PPFIA4: variants seen among roughly 807,000 people sequenced by gnomAD.
PPFIA4 encodes the protein liprin-alpha-4.
PPFIA4 carries 98 observed loss-of-function variants against 145.7 expected under a neutral mutation model. The observed-to-expected ratio is 0.67, with a 90% CI of 0.57 to 0.80. The LOEUF is 0.80. PPFIA4 is among the 30% of genes least tolerant of loss of function. The probability of loss-of-function intolerance (pLI) is 0.00; values close to 1 mark genes in which losing one functional copy is unlikely to be tolerated. For missense variants in PPFIA4, 1,457 were observed against 1,632.7 expected (o/e 0.89, Z 1.85); for synonymous variants, 628 against 649.6 (o/e 0.97, Z 0.51).
chr1:203,051,975 T>A, intron 14 of PPFIA4, 98 bp downstream of exon 14: 1 of 1,254,124 alleles, frequency 8.0e-7, no homozygotes, highest in Non-Finnish European at 1.1e-6. Flanking sequence ...GGCAAATCCT[T>A]CCCCTTCCCT....
rs771763830 is a variant in PPFIA4, at chr1:203,076,334, C to G, written c.3575-7C>G. ...CAGTGCGATGCCTGTCTCTCTCTCT[C>G]CCTCAGCTCACTCCCACTATCTCTA... On this transcript the variant is annotated splice_polypyrimidine_tract_variant and splice_region_variant and intron_variant, in intron 29 of 29. Coordinates refer to ENST00000295706, the MANE Select transcript of PPFIA4 (RefSeq NM_001304331.2). The G allele has an allele frequency of 1.2e-6, 2 of 1,604,292 alleles. No homozygotes were observed. Among genetic ancestry groups the G allele is most frequent in the African/African-American group, 1.3e-5 (1 of 74,938 alleles).
At chr1:203,072,681 T>G (rs1662254687) in intron 28 of PPFIA4, among the ~76,000 whole-genome samples, 1 of 152,172 alleles carries the variant, frequency 6.6e-6, no homozygotes, top group Non-Finnish European at 1.5e-5. Flanking sequence ...GTCCAATCAC[T>G]GTTTCTTAGT....
rs1418289992 is a variant in PPFIA4, at chr1:203,060,804, C to T, written c.2785-166C>T. On this transcript the variant is annotated intron_variant, in intron 22 of 29. Coordinates refer to ENST00000295706, the MANE Select transcript of PPFIA4 (RefSeq NM_001304331.2). The surrounding 1 kb of genome is among the most constrained non-coding windows in gnomAD (Gnocchi z 4.8). ...ACAAGAATGCGGACTGCTCTGTGGG[C>T]CCCTGGGGTGGAGTCTTTCATTGTC... is the stretch of plus-strand genomic sequence containing the variant. Among the ~76,000 whole-genome samples, 1 of 152,206 alleles carries T rather than the reference C, an allele frequency of 6.6e-6. No individual in the cohort carries two copies. Among genetic ancestry groups the T allele is most frequent in the Non-Finnish European group, 1.5e-5 (1 of 68,030 alleles).
rs1662459216 is a variant in PPFIA4 at position 203,075,473 on chromosome 1, G to T, written c.3394-104G>T. The stretch of plus-strand genomic sequence containing the variant: ...TCGCTCCCTCTTTCCAAAGGGGTGG[G>T]AGTGGTGCCCCTTGAACCAGCAGCG... On this transcript the variant is annotated intron_variant, in intron 28 of 29. Coordinates refer to ENST00000295706, the MANE Select transcript of PPFIA4 (RefSeq NM_001304331.2). The surrounding 1 kb of genome is among the most constrained non-coding windows in gnomAD (Gnocchi z 4.1). The T allele has an allele frequency of 1.1e-6, 1 of 940,574 alleles. No individual in the cohort carries two copies. Among genetic ancestry groups the T allele is most frequent in the East Asian group, 3.3e-5 (1 of 30,738 alleles). The allele number at this position is 940,574 out of a possible 1,614,324, so 58.3% of individuals were successfully genotyped here.
chr1:203,044,471 C>A lies in PPFIA4; in HGVS notation c.576+18C>A. 6.5e-7 allele frequency: 1 copy of A among 1,547,626 alleles called. No homozygotes were observed. Among genetic ancestry groups the A allele is most frequent in the Non-Finnish European group, 8.7e-7 (1 of 1,144,384 alleles). ...ACCAGCAGGTAATCTGCCTGCTCAC[C>A]CTCAGTCTGCAGCTCCTGGAAGTCC... On this transcript the variant is annotated intron_variant, in intron 5 of 29. Coordinates refer to ENST00000295706, the MANE Select transcript of PPFIA4 (RefSeq NM_001304331.2).
intron 14 of PPFIA4, among the ~76,000 whole-genome samples, chr1:203,053,184 A>T (rs770729916): frequency 1.3e-5 from 2 of 152,192 alleles, no homozygotes; most frequent in Non-Finnish European, 2.9e-5. Context: ...CTCTCTCTGG[A>T]TTCTCTTCTT....
chr1:203,044,419 C>G lies in PPFIA4; in HGVS notation c.542C>G (p.Thr181Ser). Residue 181 changes from threonine (T) to serine (S), a missense_variant, in exon 5 of 30, where the codon ACC becomes AGC. Physicochemically the swap from Thr to Ser is moderately conservative, Grantham distance 58. Transcript: ENST00000295706. The part of the protein sequence containing the change: ...RLRAALERVT[T>S]LEEQLAGAHQ... ...CGGGCAGCGCTGGAGCGAGTCACCA[C>G]CTTGGAGGAGCAGCTGGCAGGTGCC... is the stretch of plus-strand genomic sequence containing the variant. 6.4e-7 allele frequency: 1 copy of G among 1,552,118 alleles called. No homozygotes were observed. The highest frequency in any genetic ancestry group is 8.7e-7 in the Non-Finnish European group (1 of 1,147,898).
intron 24 of PPFIA4, 126 bp from the exon 25 acceptor site, chr1:203,063,702 T>C: frequency 1.1e-6 from 1 of 885,638 alleles, no homozygotes; most frequent in South Asian, 1.5e-5. Flanking sequence ...GAAATTGTAT[T>C]GGACTGCCCT....
chr1:203,029,105 C>T (rs928958361), intron 1 of PPFIA4, among the ~76,000 whole-genome samples: 2 of 152,086 alleles, frequency 1.3e-5, no homozygotes, highest in Admixed American at 1.3e-4. Flanking sequence ...GAGCTCTAAG[C>T]GAGGATGGCA....
Position 203,059,274 on chromosome 1 carries a change from A to T in PPFIA4, c.2501+3A>T. On this transcript the variant is annotated splice_donor_region_variant and intron_variant, in intron 20 of 29. Transcript: ENST00000295706. ...AAGGACCGGCGGCTAAAGAAGAAGT[A>T]AGAGCCACAGGCCAGGGTCTGCCAG... The T allele has an allele frequency of 6.6e-7, 1 of 1,507,114 alleles. No individual in the cohort carries two copies. The highest frequency in any genetic ancestry group is 9.1e-7 in the Non-Finnish European group (1 of 1,103,844). 93.4% of individuals were successfully genotyped at this position (1,507,114 alleles called of 1,614,324 possible). A position where few individuals can be genotyped will look rare whatever the true frequency, so the allele number is the denominator to read the frequency against.
intron 28 of PPFIA4, among the ~76,000 whole-genome samples, chr1:203,072,707 G>A (rs1219369128): frequency 2.6e-5 from 4 of 152,152 alleles, no homozygotes; most frequent in African/African-American, 4.8e-5. Context: ...TTAACAGGGC[G>A]AAAATCCACC....
At position 203,068,578 on chromosome 1, in the gene PPFIA4, G is replaced by A. The variant is rs759670601; in HGVS notation, c.3274G>A (p.Asp1092Asn). 13 of 1,594,170 alleles carry A rather than the reference G, an allele frequency of 8.2e-6. No homozygotes were observed. Among genetic ancestry groups the A allele is most frequent in the South Asian group, 2.3e-5 (2 of 87,712 alleles). ...GALLALDENF[D>N]HNTLALILQI... ...CTTGCTGGCCCTGGACGAGAACTTC[G>A]ACCACAACACACTGGCCCTGATCCT... Residue 1092 changes from aspartate (D) to asparagine (N), a missense_variant, in exon 27 of 30, where the codon GAC (aspartate) becomes AAC (asparagine). Asp to Asn is a conservative substitution (Grantham distance 23). This residue lies in a region of PPFIA4 where 848 missense variants were observed against 1,046.7 expected (regional missense o/e 0.81). Transcript: ENST00000295706. This position sits in a 1 kb window ranked among gnomAD's most constrained non-coding sequence, Gnocchi z 4.7.
rs776606208 is a variant in PPFIA4, at chr1:203,051,889, G to A, written c.1620+12G>A. The A allele has an allele frequency of 2.5e-6, 4 of 1,611,814 alleles. No homozygotes were observed. The highest frequency in any genetic ancestry group is 4.5e-5 in the East Asian group (2 of 44,834). On this transcript the variant is annotated intron_variant, in intron 14 of 29. Transcript: ENST00000295706. ...AAGAGTCTGCCAAGGTGAGGGGGTG[G>A]AGGGATCTCCTCAGGGAGTTTGGGG...
At position 203,044,597 on chromosome 1, in the gene PPFIA4, G is replaced by A. The variant is rs374800548; in HGVS notation, c.577-99G>A. 3.6e-5 allele frequency: 50 copies of A among 1,403,550 alleles called. 1 individual carries two copies. In the East Asian group the frequency reaches 6.0e-4, roughly 17 times the overall value. 86.9% of individuals were successfully genotyped at this position (1,403,550 alleles called of 1,614,324 possible). ...GGCTAGGCTGAGCACCTCTTTCTAG[G>A]AGACATTTTTTAACTAAGACAGGGG... On this transcript the variant is annotated intron_variant, in intron 5 of 29. Transcript: ENST00000295706.
Position 203,063,938 on chromosome 1 carries a change from C to T in PPFIA4, c.2985C>T (p.Arg995=). The change falls in exon 25 of 30, where the codon CGC becomes CGT. Residue 995 remains arginine (R), a synonymous_variant. Coordinates refer to ENST00000295706, the MANE Select transcript of PPFIA4 (RefSeq NM_001304331.2). The part of the protein sequence containing the change: ...SYFMECLVDA[R]MLDHLTKKDL... ...TCATGGAGTGCCTGGTGGACGCCCG[C>T]ATGCTGGACCACCTCACCAAGAAGG... 6.2e-7 allele frequency: 1 copy of T among 1,614,064 alleles called. No individual in the cohort carries two copies. Among genetic ancestry groups the T allele is most frequent in the East Asian group, 2.2e-5 (1 of 44,882 alleles).
Position 203,043,945 on chromosome 1 carries a change from T to A in PPFIA4, c.351T>A (p.His117Gln). The stretch of plus-strand genomic sequence containing the variant: ...CTCCCTGCCAGCTGCTTCTGGAACA[T>A]CTGGAGTGCCTGGTGTCCCGCCATG... ...ERNNTRLLLE[H>Q]LECLVSRHER... The change falls in exon 4 of 30, where the codon CAT (histidine) becomes CAA (glutamine). Residue 117 changes from histidine (H) to glutamine (Q), a missense_variant. This residue lies in a region of PPFIA4 where 463 missense variants were observed against 459.8 expected (regional missense o/e 1.01). Transcript: ENST00000295706. The surrounding 1 kb of genome is among the most constrained non-coding windows in gnomAD (Gnocchi z 4.4). 1 of 1,606,730 alleles carries A rather than the reference T, an allele frequency of 6.2e-7. No individual in the cohort carries two copies. Among genetic ancestry groups the A allele is most frequent in the Non-Finnish European group, 8.5e-7 (1 of 1,176,458 alleles).
In PPFIA4 at chr1:203,068,457, G is replaced by A; in HGVS notation, c.3153G>A (p.Val1051=). The change falls in exon 27 of 30, where the codon GTG becomes GTA. Residue 1051 remains valine (V), a synonymous_variant. Coordinates refer to ENST00000295706, the MANE Select transcript of PPFIA4 (RefSeq NM_001304331.2). This position sits in a 1 kb window ranked among gnomAD's most constrained non-coding sequence, Gnocchi z 4.7. ...REESQHEIKD[V]LVWTNDQVVH... Reference sequence around the variant, plus strand: ...TTTTCTTCCCCCACACTCCAGATGTGTTAGTCTGGACCAACGACCAGGTGG... The same window carrying A: ...TTTTCTTCCCCCACACTCCAGATGTATTAGTCTGGACCAACGACCAGGTGG... 3 of 1,601,014 alleles carry A rather than the reference G, an allele frequency of 1.9e-6. No individual in the cohort carries two copies. Among genetic ancestry groups the A allele is most frequent in the Non-Finnish European group, 1.7e-6 (2 of 1,173,618 alleles).
rs368269473 is a variant in PPFIA4, at chr1:203,050,477, T to C, written c.1511+710T>C. ...GATGGTGCCACTCAAGGTTCATGGCTCTTGGCTGTTTTCTCTCCAAACCAA... is the reference window on the plus strand; with the variant it reads ...GATGGTGCCACTCAAGGTTCATGGCCCTTGGCTGTTTTCTCTCCAAACCAA... On this transcript the variant is annotated intron_variant, in intron 13 of 29. Coordinates refer to ENST00000295706, the MANE Select transcript of PPFIA4 (RefSeq NM_001304331.2). 2.0e-5 allele frequency among the ~76,000 whole-genome samples: 3 copies of C among 152,318 alleles called. No individual in the cohort carries two copies. The East Asian group carries it at 5.8e-4, about 29-fold the overall frequency.
chr1:203,059,217 TG>T lies in PPFIA4; in HGVS notation c.2449del (p.Val817CysfsTer15). The T allele has an allele frequency of 1.3e-6, 2 of 1,556,492 alleles. No homozygotes were observed. Among genetic ancestry groups the T allele is most frequent in the Non-Finnish European group, 8.8e-7 (1 of 1,142,582 alleles). On this transcript the variant is annotated frameshift_variant, in exon 20 of 30. Coordinates refer to ENST00000295706, the MANE Select transcript of PPFIA4 (RefSeq NM_001304331.2). LOFTEE classifies it high-confidence loss of function. ...TDSEFSMQEPMVPAKLGTQAE... is the reference protein window; with the variant it reads ...TDSEFSMQEPXVPAKLGTQAE... ...TCCGAATTCAGTATGCAGGAGCCTA[TG>T]GTGCCTGCCAAGCTGGGGACCCAGG...
Sources: gnomAD v4.1 joint callset for allele counts (sites outside exome capture counted in the v4.1 genomes callset) on GRCh38, gnomAD v4.1.1 for gene constraint, gnomAD v4.1.1 regional missense constraint, Gnocchi (gnomAD v3.1) non-coding constraint, MANE v1.5 for transcripts, NCBI Gene and HGNC (gene_info 2026-07-23, HGNC 2026-07-21) for gene names.